Variants in CFAP92 observed in about 807,000 individuals in gnomAD.
The protein encoded by CFAP92 is cilia and flagella associated protein 92 (putative).
In CFAP92, 86 loss-of-function variants were observed where a neutral mutation model predicts 106.3. The ratio of observed to expected loss-of-function variants is 0.81; its 90% CI spans 0.68 to 0.97. The LOEUF (loss-of-function observed/expected upper bound fraction) is 0.97, where lower values mean the gene tolerates loss of function less well. Ranked by LOEUF, CFAP92 falls within the 50% of genes least tolerant of loss-of-function variation. The pLI is 0.00. For synonymous variants in CFAP92, 477 were observed against 506.4 expected (o/e 0.94, Z 0.78); for missense variants, 1,204 against 1,283.8 (o/e 0.94, Z 0.95).
intron 12 of CFAP92, among the ~76,000 whole-genome samples, chr3:128,932,395 A>ACACACG (rs1553743587): frequency 6.7e-6 from 1 of 148,334 alleles, no homozygotes; most frequent in Non-Finnish European, 1.5e-5. Context: ...ACACACACAC[A>ACACACG]CATGCCACAG....
chr3:128,931,501 A>T (rs896798432), intron 12 of CFAP92, among the ~76,000 whole-genome samples: 1 of 125,644 alleles, frequency 8.0e-6, no homozygotes. Flanking sequence ...ATGTATATGT[A>T]TATATGTATA....
At chr3:128,961,854 A>T (rs1327550541) in intron 9 of CFAP92, among the ~76,000 whole-genome samples, 2 of 152,212 alleles carry the variant, frequency 1.3e-5, no homozygotes, top group African/African-American at 4.8e-5. Flanking sequence ...AATAGGAAAA[A>T]GTTGCAATTC....
intron 7 of CFAP92, among the ~76,000 whole-genome samples, chr3:128,973,659 G>GA (rs34115052): frequency 0.06 from 7,557 of 126,660 alleles, 388 homozygotes; most frequent in African/African-American, 0.15. Flanking sequence ...TCTGTCTCAA[G>GA]AAAAAAAAAA....
At chr3:128,947,670 T>A (rs1940361470) in intron 9 of CFAP92, among the ~76,000 whole-genome samples, 1 of 152,112 alleles carries the variant, frequency 6.6e-6, no homozygotes, top group Non-Finnish European at 1.5e-5. Flanking sequence ...ATACAAAAAT[T>A]CATTCAAAAT....
chr3:129,011,009 C>T, the CFAP92 span, among the ~76,000 whole-genome samples: 1 of 152,128 alleles, frequency 6.6e-6, no homozygotes, highest in African/African-American at 2.4e-5. Context: ...TCTCAGTTTC[C>T]TCGGCTATAA....
At chr3:128,927,252 C>T (rs1937765446) in intron 12 of CFAP92, among the ~76,000 whole-genome samples, 1 of 152,046 alleles carries the variant, frequency 6.6e-6, no homozygotes, top group South Asian at 2.1e-4. Context: ...ACGTTCCAGC[C>T]TCCAGAATAG....
rs565477322 is a variant in CFAP92, at chr3:128,932,582, C to T, written c.2751+118G>A. The T allele has an allele frequency of 3.3e-5, 34 of 1,023,836 alleles. No individual in the cohort carries two copies. In the South Asian group the frequency reaches 4.4e-4, roughly 13 times the overall value. The allele number at this position is 1,023,836 out of a possible 1,614,324, so 63.4% of individuals were successfully genotyped here. On this transcript the variant is annotated intron_variant, in intron 12 of 15. Transcript: ENST00000645291. Reference sequence around the variant, plus strand: ...CCAGCAGGGTAGCCCAGGCCAGGAGCGCAGGCACGACCAGAGGCAAATGTC... The same window carrying T: ...CCAGCAGGGTAGCCCAGGCCAGGAGTGCAGGCACGACCAGAGGCAAATGTC...
Position 128,947,855 on chromosome 3 carries a change from C to T in CFAP92, c.1354-1880G>A, listed in dbSNP as rs141893145. Among the ~76,000 whole-genome samples, 879 of 151,032 alleles carry T rather than the reference C, an allele frequency of 5.8e-3. 5 individuals carry two copies. The highest frequency in any genetic ancestry group is 0.021 in the Middle Eastern group (6 of 292). ...TGTCTCAAAAAAGAAAAAAATTGAT[C>T]GAAGATATAAATGTTAACTATAAAA... is the stretch of plus-strand genomic sequence containing the variant. On this transcript the variant is annotated intron_variant, in intron 9 of 15. Transcript: ENST00000645291.
At chr3:128,924,355 C>G (rs995657002) in intron 12 of CFAP92, among the ~76,000 whole-genome samples, 2 of 151,532 alleles carry the variant, frequency 1.3e-5, no homozygotes, top group African/African-American at 4.8e-5. Flanking sequence ...GCATAAAACC[C>G]CTTGCGGCCT....
At chr3:128,917,329 G>C (rs1343200410) in intron 12 of CFAP92, among the ~76,000 whole-genome samples, 3 of 152,132 alleles carry the variant, frequency 2.0e-5, no homozygotes, top group African/African-American at 7.2e-5. Flanking sequence ...CCAAATCCTA[G>C]AATTCGTGAA....
chr3:129,008,089 A>G, the CFAP92 span, among the ~76,000 whole-genome samples: 2 of 152,220 alleles, frequency 1.3e-5, no homozygotes, highest in Admixed American at 1.3e-4. Flanking sequence ...GCAGTTTTCC[A>G]TCTGCCTCCA....
intron 10 of CFAP92, among the ~76,000 whole-genome samples, chr3:128,935,608 A>T (rs1474653188): frequency 6.6e-6 from 1 of 152,158 alleles, no homozygotes; most frequent in East Asian, 1.9e-4. Context: ...GCTACTGGGG[A>T]GGCTGAGGCA....
intron 2 of CFAP92, among the ~76,000 whole-genome samples, chr3:128,992,741 G>A (rs1174154435): frequency 6.6e-6 from 1 of 152,018 alleles, no homozygotes; most frequent in African/African-American, 2.4e-5. Context: ...ATGCACAAGC[G>A]CTTATGAGAA....
chr3:128,915,444 G>A lies in CFAP92; in HGVS notation c.3036C>T (p.Ala1012=). 6.5e-7 allele frequency: 1 copy of A among 1,536,130 alleles called. No individual in the cohort carries two copies. The highest frequency in any genetic ancestry group is 8.7e-7 in the Non-Finnish European group (1 of 1,146,914). Residue 1012 remains alanine (A), a synonymous_variant, in exon 14 of 16, where the codon GCC becomes GCT. Transcript: ENST00000645291. ...GAAGACCTGTCACTTGGAATCCCCT[G>A]GCTGTGAGCCAGGCCTGGCGGGATT... ...QKKSRQAWLT[A]RGFQVTGLQS...
intron 4 of CFAP92, among the ~76,000 whole-genome samples, chr3:128,985,047 A>G (rs1943768365): frequency 6.6e-6 from 1 of 152,376 alleles, no homozygotes; most frequent in Non-Finnish European, 1.5e-5. Flanking sequence ...GGTGATATCT[A>G]AATTGTTTTA....
At chr3:129,022,134 A>G in the CFAP92 span, among the ~76,000 whole-genome samples, 1 of 152,148 alleles carries the variant, frequency 6.6e-6, no homozygotes, top group African/African-American at 2.4e-5. Context: ...TGTCATATCT[A>G]TATAGAACCT....
chr3:129,002,190 G>T lies in CFAP92; in HGVS notation n.117+384C>A, dbSNP rs1944813931. On this transcript the variant is annotated intron_variant and non_coding_transcript_variant, in intron 1 of 4. Coordinates refer to the CFAP92 transcript ENST00000510149. ...GCGCCGCCGCCGCCGCCCGCCCTGC[G>T]CGCCTGGCCCCGACAGCGGTCCTGA... 2.7e-6 allele frequency: 4 copies of T among 1,497,914 alleles called. No homozygotes were observed. In the African/African-American group the frequency reaches 5.9e-5, roughly 22 times the overall value. The allele number at this position is 1,497,914 out of a possible 1,614,324, so 92.8% of individuals were successfully genotyped here.
intron 12 of CFAP92, among the ~76,000 whole-genome samples, chr3:128,924,742 CG>C (rs1937545056): frequency 6.6e-6 from 1 of 152,170 alleles, no homozygotes; most frequent in Non-Finnish European, 1.5e-5. Flanking sequence ...CCACCACGCC[CG>C]ACCGATTGTA....
chr3:128,977,923 G>A (rs532497302), intron 5 of CFAP92, 122 bp downstream of exon 5: 159 of 1,249,226 alleles, frequency 1.3e-4, no homozygotes, highest in Admixed American at 2.6e-4. Context: ...AGCCCCGCCC[G>A]CCTCTGCTGC....
Sources: gnomAD v4.1 joint callset for allele counts (sites outside exome capture counted in the v4.1 genomes callset) on GRCh38, gnomAD v4.1.1 for gene constraint, MANE v1.5 for transcripts, NCBI Gene and HGNC (gene_info 2026-07-23, HGNC 2026-07-21) for gene names.